SSPN: variants seen among roughly 807,000 people sequenced by gnomAD.
SSPN encodes sarcospan.
SSPN carries 15 observed loss-of-function variants against 19.1 expected under a neutral mutation model. The observed-to-expected ratio is 0.78, with a 90% CI of 0.52 to 1.21. The LOEUF is 1.21. Ranked by LOEUF, SSPN falls within the 50% of genes most tolerant of loss-of-function variation. The pLI is 0.00. For synonymous variants in SSPN, 147 were observed against 140.3 expected (o/e 1.05, Z -0.34); for missense variants, 291 against 314.0 (o/e 0.93, Z 0.55).
intron 1 of SSPN, chr12:26,180,586 A>G (rs1944712632): frequency 1.3e-5 from 2 of 152,266 alleles, no homozygotes; most frequent in South Asian, 2.1e-4. Context: ...TTCTGAGCAC[A>G]TAGCATATTT....
At chr12:26,204,056 T>C (rs182660946) in intron 1 of SSPN, among the ~76,000 whole-genome samples, 57 of 152,316 alleles carry the variant, frequency 3.7e-4, no homozygotes, top group African/African-American at 1.2e-3. Flanking sequence ...AACATATGAC[T>C]TACGGGGACA....
chr12:26,155,990 T>C (rs1944553690), intron 1 of SSPN, among the ~76,000 whole-genome samples: 1 of 152,086 alleles, frequency 6.6e-6, no homozygotes, highest in Admixed American at 6.5e-5. Flanking sequence ...GAAAAGATGA[T>C]GAAGAAGATT....
chr12:26,144,344 A>G (rs1316747779), intron 1 of SSPN, among the ~76,000 whole-genome samples: 2 of 152,240 alleles, frequency 1.3e-5, no homozygotes, highest in African/African-American at 4.8e-5. Context: ...TAAGGCAGGA[A>G]CAAGTGAATC....
At chr12:26,187,688 C>T (rs932284289) in intron 1 of SSPN, among the ~76,000 whole-genome samples, 1 of 152,154 alleles carries the variant, frequency 6.6e-6, no homozygotes, top group African/African-American at 2.4e-5. Flanking sequence ...AAACAATGCA[C>T]TTATAGAAGA....
At chr12:26,128,858 ATAGAGACAC>A (rs1221965013) in intron 1 of SSPN, among the ~76,000 whole-genome samples, 2 of 152,118 alleles carry the variant, frequency 1.3e-5, no homozygotes, top group African/African-American at 4.8e-5. Context: ...ATCATTACCT[ATAGAGACAC>A]TAATGAAAGG....
At position 26,142,231 on chromosome 12, in the gene SSPN, G is replaced by T. The variant is rs184431182; in HGVS notation, c.-31+20079G>T. ...AAGGGTTTTAAGCAGTGCCAGTTTT[G>T]CATCGTAGAAAATGTATTCTGATGA... On this transcript the variant is annotated intron_variant, in intron 1 of 2. Transcript: ENST00000538142. Among the ~76,000 whole-genome samples the T allele has an allele frequency of 2.2e-3, 340 of 152,278 alleles. 3 individuals are homozygous for T. Among genetic ancestry groups the T allele is most frequent in the African/African-American group, 8.0e-3 (333 of 41,550 alleles).
intron 1 of SSPN, among the ~76,000 whole-genome samples, chr12:26,202,015 C>G (rs1028862475): frequency 6.6e-6 from 1 of 152,150 alleles, no homozygotes; most frequent in African/African-American, 2.4e-5. Flanking sequence ...CACAGATACT[C>G]AAGTCCCTGC....
chr12:26,181,198 C>T (rs1944716751), intron 1 of SSPN: 1 of 152,162 alleles, frequency 6.6e-6, no homozygotes, highest in Non-Finnish European at 1.5e-5. Flanking sequence ...AATCTTTTTC[C>T]TTATTTTTAA....
At chr12:26,156,290 C>T (rs754195211) in intron 1 of SSPN, among the ~76,000 whole-genome samples, 6 of 152,104 alleles carry the variant, frequency 3.9e-5, no homozygotes, top group South Asian at 2.1e-4. Flanking sequence ...GGATTAGAAC[C>T]GCTGTCTGCA....
chr12:26,123,225 T>C (rs1944330905), intron 1 of SSPN: 1 of 1,512,280 alleles, frequency 6.6e-7, no homozygotes, highest in African/African-American at 1.4e-5. Context: ...AGAAGAAACA[T>C]ACCCACGTTA....
At position 26,195,647 on chromosome 12, in the gene SSPN, A is replaced by ACCCCC; in HGVS notation, c.-23_-22insCCCCC. On this transcript the variant is annotated 5_prime_UTR_variant, in exon 1 of 3. Coordinates refer to ENST00000242729, the MANE Select transcript of SSPN (RefSeq NM_005086.5). ...GGCCCAGGGCGCCGCACACGCACCCACCCACCCACCCAGCCTCGCAGCGCC... is the reference window on the plus strand; with the variant it reads ...GGCCCAGGGCGCCGCACACGCACCCACCCCCCCCACCCACCCAGCCTCGCAGCGCC... 1 of 174,028 alleles carries ACCCCC rather than the reference A, an allele frequency of 5.7e-6. No individual in the cohort carries two copies. Among genetic ancestry groups the ACCCCC allele is most frequent in the Non-Finnish European group, 8.9e-6 (1 of 112,904 alleles). The allele number at this position is 174,028 out of a possible 1,614,324, so 10.8% of individuals were successfully genotyped here. A position where few individuals can be genotyped will look rare whatever the true frequency, so the allele number is the denominator to read the frequency against.
chr12:26,154,132 C>T (rs971280826), intron 1 of SSPN, among the ~76,000 whole-genome samples: 3 of 152,202 alleles, frequency 2.0e-5, no homozygotes, highest in African/African-American at 7.2e-5. Flanking sequence ...TGAACCCGAG[C>T]AGTTGCTCAA....
chr12:26,223,219 T>A (rs1945141327), intron 1 of SSPN, among the ~76,000 whole-genome samples: 1 of 152,198 alleles, frequency 6.6e-6, no homozygotes, highest in Admixed American at 6.5e-5. Context: ...ATATGTTTTT[T>A]GTTTTTTTGA....
intron 1 of SSPN, chr12:26,122,273 G>A (rs1367344945): frequency 1.6e-6 from 2 of 1,212,986 alleles, no homozygotes; most frequent in Admixed American, 8.8e-5. Flanking sequence ...CCGAGGACAG[G>A]CAGGGGAACG....
intron 1 of SSPN, among the ~76,000 whole-genome samples, chr12:26,199,443 A>G (rs939663496): frequency 2.0e-5 from 3 of 152,226 alleles, no homozygotes; most frequent in African/African-American, 7.2e-5. Context: ...AGTGCTGTTC[A>G]TGTATTATAA....
At chr12:26,186,254 G>C (rs1250368137) in intron 1 of SSPN, among the ~76,000 whole-genome samples, 3 of 151,862 alleles carry the variant, frequency 2.0e-5, no homozygotes, top group African/African-American at 7.3e-5. Context: ...CTTGTGACCT[G>C]CATCCCTGGC....
intron 1 of SSPN, among the ~76,000 whole-genome samples, chr12:26,213,463 C>A (rs899509248): frequency 1.7e-4 from 26 of 152,086 alleles, no homozygotes; most frequent in African/African-American, 5.8e-4. Flanking sequence ...TGAACCATTT[C>A]ACTAGACCCA....
intron 1 of SSPN, among the ~76,000 whole-genome samples, chr12:26,133,931 C>T (rs1043565657): frequency 2.6e-5 from 4 of 152,202 alleles, no homozygotes; most frequent in Non-Finnish European, 5.9e-5. Context: ...CACTTGTATC[C>T]ACTGTGTATG....
chr12:26,193,439 C>A (rs929451693), upstream of SSPN, among the ~76,000 whole-genome samples: 1 of 152,118 alleles, frequency 6.6e-6, no homozygotes, highest in Non-Finnish European at 1.5e-5. Context: ...ATATGTAAAG[C>A]ACCTGTCATG....
Sources: gnomAD v4.1 joint callset for allele counts (sites outside exome capture counted in the v4.1 genomes callset) on GRCh38, gnomAD v4.1.1 for gene constraint, MANE v1.5 for transcripts, NCBI Gene and HGNC (gene_info 2026-07-23, HGNC 2026-07-21) for gene names.